Variants in PCDH15 observed in about 807,000 individuals in gnomAD.
PCDH15 encodes protocadherin related 15, also known as protocadherin-15.
PCDH15 carries 129 observed loss-of-function variants against 178.5 expected under a neutral mutation model. That is an observed-to-expected ratio of 0.72 (90% CI 0.63 to 0.84). The LOEUF (loss-of-function observed/expected upper bound fraction) is 0.84, where lower values mean the gene tolerates loss of function less well. Among genes scored for constraint, PCDH15 ranks in the 40% least tolerant of loss-of-function variants. The pLI, the probability that PCDH15 is intolerant of heterozygous loss-of-function variation, is 0.00. For missense variants in PCDH15, 2,230 were observed against 2,099.9 expected (o/e 1.06, Z -1.21); for synonymous variants, 800 against 732.0 (o/e 1.09, Z -1.50).
intron 2 of PCDH15, among the ~76,000 whole-genome samples, chr10:55,086,690 C>T (rs1842178174): frequency 6.6e-6 from 1 of 152,010 alleles, no homozygotes; most frequent in Non-Finnish European, 1.5e-5. Flanking sequence ...ATTCTGTGAA[C>T]ATGAAGACTT....
At position 53,978,521 on chromosome 10, in the gene PCDH15, G is replaced by A. The variant is rs185862022; in HGVS notation, c.2869-16629C>T. On this transcript the variant is annotated intron_variant, in intron 21 of 37. Coordinates refer to ENST00000644397, the MANE Select transcript of PCDH15 (RefSeq NM_001384140.1). ...ATTTTTCCCTCTTAGGCCTCTGAGT[G>A]TGTGATGGGAGGGGATGCTGTGAAT... 4.9e-4 allele frequency among the ~76,000 whole-genome samples: 75 copies of A among 152,258 alleles called. 1 individual carries two copies. Among genetic ancestry groups the A allele is most frequent in the African/African-American group, 1.8e-3 (74 of 41,538 alleles).
chr10:54,261,547 T>C (rs1489438348), intron 8 of PCDH15, among the ~76,000 whole-genome samples: 6 of 152,118 alleles, frequency 3.9e-5, no homozygotes, highest in African/African-American at 7.2e-5. Flanking sequence ...TGGATGCAAG[T>C]ATTAAAAATA....
chr10:54,427,299 A>T (rs1337798494), intron 3 of PCDH15, among the ~76,000 whole-genome samples: 2 of 58,596 alleles, frequency 3.4e-5, no homozygotes, highest in African/African-American at 8.6e-5. Flanking sequence ...TTTTTTTGAG[A>T]CTGGGTTTCG....
intron 1 of PCDH15, among the ~76,000 whole-genome samples, chr10:54,777,217 A>G (rs1221078193): frequency 6.6e-6 from 1 of 152,182 alleles, no homozygotes; most frequent in Non-Finnish European, 1.5e-5. Context: ...ATCGTTGCGC[A>G]CATCTATACA....
chr10:55,243,389 T>C (rs1240094684), intron 1 of PCDH15, among the ~76,000 whole-genome samples: 1 of 152,180 alleles, frequency 6.6e-6, no homozygotes, highest in East Asian at 1.9e-4. Flanking sequence ...GAAATAATGG[T>C]CCCAATTTGC....
At chr10:53,982,543 CA>C (rs1243993382) in intron 21 of PCDH15, among the ~76,000 whole-genome samples, 1 of 151,586 alleles carries the variant, frequency 6.6e-6, no homozygotes, top group Non-Finnish European at 1.5e-5. Context: ...AGCTGGAAAC[CA>C]TCATTTTCAG....
At chr10:55,576,450 G>C (rs1842498007) in intron 2 of PCDH15, among the ~76,000 whole-genome samples, 1 of 152,104 alleles carries the variant, frequency 6.6e-6, no homozygotes, top group South Asian at 2.1e-4. Context: ...CATTCAGTTT[G>C]AACTCGTATT....
intron 2 of PCDH15, among the ~76,000 whole-genome samples, chr10:55,532,827 G>A (rs1463212165): frequency 1.3e-5 from 2 of 151,964 alleles, no homozygotes; most frequent in Admixed American, 6.6e-5. Context: ...CAGAATCCAT[G>A]ACAGAAATAA....
intron 2 of PCDH15, among the ~76,000 whole-genome samples, chr10:55,156,255 A>C (rs1297998363): frequency 1.3e-5 from 2 of 152,128 alleles, no homozygotes; most frequent in Non-Finnish European, 2.9e-5. Flanking sequence ...TTTTGGAAAA[A>C]TTAAGAAAAC....
chr10:54,458,783 A>C (rs139272769), intron 3 of PCDH15, among the ~76,000 whole-genome samples: 80 of 152,242 alleles, frequency 5.3e-4, no homozygotes, highest in African/African-American at 1.8e-3. Flanking sequence ...TTCAGGGGCC[A>C]AGATTCTTGC....
intron 1 of PCDH15, among the ~76,000 whole-genome samples, chr10:55,247,196 T>C (rs958041282): frequency 2.6e-5 from 4 of 152,186 alleles, no homozygotes; most frequent in Non-Finnish European, 5.9e-5. Flanking sequence ...AATGTATTCT[T>C]TAGTTTAGAT....
intron 6 of PCDH15, among the ~76,000 whole-genome samples, chr10:54,339,832 C>T (rs1358406494): frequency 1.3e-5 from 2 of 152,210 alleles, no homozygotes; most frequent in Non-Finnish European, 2.9e-5. Context: ...GACTTGTCTT[C>T]AGCAACAATC....
chr10:54,041,921 C>T (rs975660206), intron 18 of PCDH15, among the ~76,000 whole-genome samples: 1 of 151,972 alleles, frequency 6.6e-6, no homozygotes, highest in African/African-American at 2.4e-5. Context: ...CAGGAAATGA[C>T]AATAGATACA....
rs57193886 is a variant in PCDH15, at chr10:54,113,639, G to GACACACACACACACACACAC, written c.1917+19216_1917+19235dup. Reference sequence around the variant, plus strand: ...CTCTACCGGTCCTTCTCCCAACACAGACACACACACACACACACACGCACA... The same window carrying GACACACACACACACACACAC: ...CTCTACCGGTCCTTCTCCCAACACAGACACACACACACACACACACACACACACACACACACACACGCACA... On this transcript the variant is annotated intron_variant, in intron 15 of 37. Coordinates refer to ENST00000644397, the MANE Select transcript of PCDH15 (RefSeq NM_001384140.1). Among the ~76,000 whole-genome samples, 1,418 of 149,806 alleles carry GACACACACACACACACACAC rather than the reference G, an allele frequency of 9.5e-3. 36 individuals are homozygous for GACACACACACACACACACAC. Among genetic ancestry groups the GACACACACACACACACACAC allele is most frequent in the South Asian group, 0.044 (210 of 4,728 alleles).
intron 26 of PCDH15, among the ~76,000 whole-genome samples, chr10:53,895,700 A>G (rs2081904030): frequency 6.6e-6 from 1 of 152,234 alleles, no homozygotes; most frequent in Non-Finnish European, 1.5e-5. Context: ...ATAAACTGGA[A>G]AAATTAGTTA....
intron 8 of PCDH15, among the ~76,000 whole-genome samples, chr10:54,243,423 C>T (rs1203216749): frequency 3.3e-5 from 5 of 152,106 alleles, no homozygotes; most frequent in Admixed American, 6.5e-5. Context: ...AGGAGAATGG[C>T]GTGAACCTGG....
At chr10:54,030,501 C>T (rs1183144149) in intron 18 of PCDH15, among the ~76,000 whole-genome samples, 3 of 151,272 alleles carry the variant, frequency 2.0e-5, no homozygotes, top group Non-Finnish European at 2.9e-5. Context: ...GCCTCATAAT[C>T]ATTATTGAAC....
At position 54,619,651 on chromosome 10, in the gene PCDH15, A is replaced by C. The variant is rs369130052; in HGVS notation, c.91+44521T>G. Reference sequence around the variant, plus strand: ...ATTAAATAAGATGTGCTCACTTTGCAAAAGTGACTTCAAGATAAGTGCCTA... The same window carrying C: ...ATTAAATAAGATGTGCTCACTTTGCCAAAGTGACTTCAAGATAAGTGCCTA... On this transcript the variant is annotated intron_variant, in intron 2 of 37. Coordinates refer to ENST00000644397, the MANE Select transcript of PCDH15 (RefSeq NM_001384140.1). Among the ~76,000 whole-genome samples, 8 of 152,074 alleles carry C rather than the reference A, an allele frequency of 5.3e-5. No individual in the cohort carries two copies. In the East Asian group the frequency reaches 1.5e-3, roughly 29 times the overall value.
intron 3 of PCDH15, among the ~76,000 whole-genome samples, chr10:54,814,545 C>G (rs944986495): frequency 2.0e-5 from 3 of 152,036 alleles, no homozygotes; most frequent in Admixed American, 6.6e-5. Flanking sequence ...CTTGCAATTC[C>G]TTGTAGCTAA....
Sources: gnomAD v4.1 joint callset for allele counts (sites outside exome capture counted in the v4.1 genomes callset) on GRCh38, gnomAD v4.1.1 for gene constraint, MANE v1.5 for transcripts, NCBI Gene and HGNC (gene_info 2026-07-23, HGNC 2026-07-21) for gene names.